MAF: variants seen among roughly 807,000 people sequenced by gnomAD.
MAF encodes the protein transcription factor Maf.
Under a neutral mutation model 22.0 loss-of-function variants are expected in MAF, and 10 were observed. The ratio of observed to expected loss-of-function variants is 0.45; its 90% CI spans 0.28 to 0.77. MAF has a LOEUF of 0.77. Ranked by LOEUF, MAF falls within the 30% of genes least tolerant of loss-of-function variation. The probability of loss-of-function intolerance (pLI) is 0.12; values close to 1 mark genes in which losing one functional copy is unlikely to be tolerated. For synonymous variants in MAF, 337 were observed against 255.8 expected (o/e 1.32, Z -3.03); for missense variants, 544 against 548.4 (o/e 0.99, Z 0.08).
At chr16:79,297,928 G>A in the MAF span, among the ~76,000 whole-genome samples, 1 of 152,186 alleles carries the variant, frequency 6.6e-6, no homozygotes, top group African/African-American at 2.4e-5. Context: ...CCAATCTCTT[G>A]GATAGGACCC....
the MAF span, among the ~76,000 whole-genome samples, chr16:79,413,760 T>C: frequency 2.0e-5 from 3 of 152,188 alleles, no homozygotes; most frequent in African/African-American, 7.2e-5. Context: ...TTCTTAGTAA[T>C]AATATGGTCA....
chr16:79,263,907 A>C, the MAF span, among the ~76,000 whole-genome samples: 1 of 152,112 alleles, frequency 6.6e-6, no homozygotes, highest in Non-Finnish European at 1.5e-5. Context: ...CACATCCCTT[A>C]ATCCCTCTGG....
the MAF span, among the ~76,000 whole-genome samples, chr16:79,280,330 C>A: frequency 6.6e-6 from 1 of 152,154 alleles, no homozygotes; most frequent in Admixed American, 6.5e-5. Flanking sequence ...GATCAAGAGT[C>A]CAGCTGCAGT....
At chr16:79,538,417 T>C in the MAF span, among the ~76,000 whole-genome samples, 1 of 152,198 alleles carries the variant, frequency 6.6e-6, no homozygotes, top group Admixed American at 6.5e-5. Flanking sequence ...CTAAATGCAC[T>C]GAATATTTAA....
At chr16:79,374,594 C>T in the MAF span, among the ~76,000 whole-genome samples, 1 of 152,144 alleles carries the variant, frequency 6.6e-6, no homozygotes, top group Non-Finnish European at 1.5e-5. Flanking sequence ...ATTGATGATG[C>T]TATTATAGGA....
At chr16:79,456,935 T>TACACACAC in the MAF span, among the ~76,000 whole-genome samples, 1 of 150,040 alleles carries the variant, frequency 6.7e-6, no homozygotes, top group Non-Finnish European at 1.5e-5. Context: ...GCCATGTTTT[T>TACACACAC]ACACACACAC....
the MAF span, among the ~76,000 whole-genome samples, chr16:79,529,011 C>T: frequency 6.6e-6 from 1 of 152,204 alleles, no homozygotes; most frequent in Non-Finnish European, 1.5e-5. Flanking sequence ...GCAAAAGGAG[C>T]TCGAGCTGTC....
the MAF span, among the ~76,000 whole-genome samples, chr16:79,560,811 C>G: frequency 6.6e-6 from 1 of 152,220 alleles, no homozygotes; most frequent in Non-Finnish European, 1.5e-5. Flanking sequence ...ACCTCCACTA[C>G]CCTCCCAACT....
At chr16:79,334,309 G>A in the MAF span, among the ~76,000 whole-genome samples, 1 of 152,140 alleles carries the variant, frequency 6.6e-6, no homozygotes, top group Admixed American at 6.5e-5. Context: ...TGGTCAAAGC[G>A]TCCAGACCCT....
chr16:79,543,789 G>C, the MAF span, among the ~76,000 whole-genome samples: 2 of 151,660 alleles, frequency 1.3e-5, no homozygotes, highest in Non-Finnish European at 2.9e-5. Flanking sequence ...GGGGTTCACG[G>C]CATTCTCCTG....
the MAF span, among the ~76,000 whole-genome samples, chr16:79,222,567 A>G: frequency 6.6e-6 from 1 of 152,216 alleles, no homozygotes; most frequent in Admixed American, 6.5e-5. Flanking sequence ...GCTCCAATTA[A>G]AAGACACAGA....
chr16:79,440,382 G>C, the MAF span, among the ~76,000 whole-genome samples: 1 of 152,164 alleles, frequency 6.6e-6, no homozygotes, highest in Non-Finnish European at 1.5e-5. Context: ...GTCCCGACCA[G>C]GTGCATGAGT....
At chr16:79,329,688 A>G in the MAF span, among the ~76,000 whole-genome samples, 37 of 152,218 alleles carry the variant, frequency 2.4e-4, 1 homozygote, top group Non-Finnish European at 5.0e-4. Flanking sequence ...TAGGAATGAG[A>G]GACATCTGTT....
At chr16:79,569,924 G>C in the MAF span, among the ~76,000 whole-genome samples, 2 of 151,898 alleles carry the variant, frequency 1.3e-5, no homozygotes, top group African/African-American at 2.4e-5. Context: ...GCTGGAATCC[G>C]GGAGGGATGC....
chr16:79,545,071 C>G, the MAF span, among the ~76,000 whole-genome samples: 2 of 152,104 alleles, frequency 1.3e-5, no homozygotes, highest in Non-Finnish European at 2.9e-5. Context: ...AGAAGACACT[C>G]AGCATGCATT....
At chr16:79,356,882 T>C in the MAF span, among the ~76,000 whole-genome samples, 2 of 152,338 alleles carry the variant, frequency 1.3e-5, no homozygotes, top group South Asian at 2.1e-4. Flanking sequence ...ACAACTTGTA[T>C]GAAGGTGAAT....
chr16:79,229,239 G>GA, the MAF span: 1 of 151,742 alleles, frequency 6.6e-6, no homozygotes, highest in Non-Finnish European at 1.5e-5. Flanking sequence ...CTCCAGGCCA[G>GA]AAAAGCCTCT....
At chr16:79,367,125 C>G in the MAF span, among the ~76,000 whole-genome samples, 1 of 152,106 alleles carries the variant, frequency 6.6e-6, no homozygotes, top group East Asian at 1.9e-4. Context: ...CAAAGATGAG[C>G]CATATACACA....
chr16:79,334,863 ATGTGTG>A, the MAF span, among the ~76,000 whole-genome samples: 22 of 61,348 alleles, frequency 3.6e-4, no homozygotes, highest in African/African-American at 8.0e-4. Flanking sequence ...GTGTGTGTGT[ATGTGTG>A]TGTGTGTGTG....
Sources: allele counts gnomAD v4.1 joint callset (sites outside exome capture counted in the v4.1 genomes callset), GRCh38; gene constraint gnomAD v4.1.1; transcripts MANE v1.5; gene names NCBI Gene and HGNC (gene_info 2026-07-23, HGNC 2026-07-21).